TRIM44: variants seen among roughly 807,000 people sequenced by gnomAD.
TRIM44 encodes tripartite motif-containing protein 44.
A neutral mutation model predicts 37.4 loss-of-function variants in TRIM44; 13 were observed. The ratio of observed to expected loss-of-function variants is 0.35; its 90% CI spans 0.23 to 0.55. TRIM44 has a LOEUF of 0.55. Ranked by LOEUF, TRIM44 falls within the 20% of genes least tolerant of loss-of-function variation. The pLI is 0.89. For synonymous variants in TRIM44, 175 were observed against 157.2 expected (o/e 1.11, Z -0.85); for missense variants, 426 against 437.2 (o/e 0.97, Z 0.23).
chr11:35,795,182 G>A (rs1048454560), intron 4 of TRIM44, among the ~76,000 whole-genome samples: 3 of 152,100 alleles, frequency 2.0e-5, no homozygotes, highest in African/African-American at 7.2e-5. Context: ...GAATCAGGCT[G>A]GAAAGGGAGA....
rs888779320 is a variant in TRIM44, at chr11:35,745,882, C to G, written c.1007+10437C>G. Among the ~76,000 whole-genome samples the G allele has an allele frequency of 3.3e-5, 5 of 152,156 alleles. No individual in the cohort carries two copies. In the East Asian group the frequency reaches 9.6e-4, roughly 29 times the overall value. ...ACATGGGGAGAAAGTACAAACTCCA[C>G]ACACAGTGGCCCGGACTGGGAATCC... is the stretch of plus-strand genomic sequence containing the variant. On this transcript the variant is annotated intron_variant, in intron 4 of 4. Transcript: ENST00000299413.
intron 1 of TRIM44, among the ~76,000 whole-genome samples, chr11:35,666,411 T>C (rs1314731450): frequency 6.6e-6 from 1 of 152,230 alleles, no homozygotes; most frequent in Non-Finnish European, 1.5e-5. Flanking sequence ...TTAAAAAGCC[T>C]GCAGGAGTGT....
chr11:35,753,728 ATT>A (rs796549495), intron 4 of TRIM44, among the ~76,000 whole-genome samples: 2 of 147,570 alleles, frequency 1.4e-5, no homozygotes, highest in African/African-American at 5.0e-5. Context: ...TGCCAAATTG[ATT>A]TTTTTTTTTT....
intron 2 of TRIM44, among the ~76,000 whole-genome samples, chr11:35,715,257 C>A (rs1205656524): frequency 6.6e-6 from 1 of 152,142 alleles, no homozygotes; most frequent in Admixed American, 6.5e-5. Flanking sequence ...ATCCATCTCT[C>A]ACGTTAAGGG....
intron 4 of TRIM44, among the ~76,000 whole-genome samples, chr11:35,793,028 G>A (rs1350440361): frequency 6.6e-6 from 1 of 152,072 alleles, no homozygotes; most frequent in African/African-American, 2.4e-5. Context: ...TAAGTTCAGG[G>A]GAACAGGTTT....
intron 1 of TRIM44, among the ~76,000 whole-genome samples, chr11:35,677,164 C>G (rs1048687639): frequency 6.6e-6 from 1 of 152,148 alleles, no homozygotes; most frequent in African/African-American, 2.4e-5. Flanking sequence ...ACTTAGCTAG[C>G]AAGCGTAAGG....
At chr11:35,749,617 G>A (rs997678319) in intron 4 of TRIM44, among the ~76,000 whole-genome samples, 9 of 152,182 alleles carry the variant, frequency 5.9e-5, no homozygotes, top group African/African-American at 2.2e-4. Flanking sequence ...CCGCGAGGCG[G>A]GATTGCAGTG....
At chr11:35,797,252 T>A (rs1368401282) in intron 4 of TRIM44, among the ~76,000 whole-genome samples, 2 of 152,172 alleles carry the variant, frequency 1.3e-5, no homozygotes, top group Non-Finnish European at 2.9e-5. Context: ...AATAGTAATA[T>A]TGGATTATAA....
In TRIM44 at chr11:35,702,182, A is replaced by G. The variant is rs117140227; in HGVS notation, c.747+16846A>G. On this transcript the variant is annotated intron_variant, in intron 2 of 4. Transcript: ENST00000299413. ...CTCAATATTGAACTGGCAGGACTCA[A>G]ACTTGCCCTTGGTTGGACCCTGTCA... 8.1e-3 allele frequency among the ~76,000 whole-genome samples: 1,230 copies of G among 152,324 alleles called. 5 individuals are homozygous for G. Among genetic ancestry groups the G allele is most frequent in the Non-Finnish European group, 0.011 (765 of 68,028 alleles).
intron 4 of TRIM44, among the ~76,000 whole-genome samples, chr11:35,739,397 G>A (rs970293360): frequency 2.0e-5 from 3 of 152,080 alleles, no homozygotes; most frequent in Non-Finnish European, 2.9e-5. Flanking sequence ...GCCACCATGT[G>A]GACTATCTTC....
chr11:35,728,642 G>A (rs912718644), intron 3 of TRIM44, among the ~76,000 whole-genome samples: 2 of 152,122 alleles, frequency 1.3e-5, no homozygotes, highest in African/African-American at 4.8e-5. Context: ...CTGTCTTTCA[G>A]TCATCAGAGG....
At chr11:35,690,961 C>G (rs758839633) in intron 2 of TRIM44, among the ~76,000 whole-genome samples, 26 of 152,224 alleles carry the variant, frequency 1.7e-4, no homozygotes, top group African/African-American at 5.8e-4. Flanking sequence ...GTATATATAG[C>G]CTGGCATCCC....
intron 1 of TRIM44, among the ~76,000 whole-genome samples, chr11:35,680,920 G>A (rs1039403971): frequency 6.6e-6 from 1 of 151,802 alleles, no homozygotes; most frequent in Non-Finnish European, 1.5e-5. Flanking sequence ...ACAGGGTCTC[G>A]TTTGTTCATT....
At position 35,810,649 on chromosome 11, in the gene TRIM44, C is replaced by T. The variant is rs909057649; in HGVS notation, c.*4264C>T. The T allele has an allele frequency of 6.6e-6, 1 of 152,168 alleles. No homozygotes were observed. The highest frequency in any genetic ancestry group is 2.4e-5 in the African/African-American group (1 of 41,428). 9.4% of individuals were successfully genotyped at this position (152,168 alleles called of 1,614,324 possible). A position where few individuals can be genotyped will look rare whatever the true frequency, so the allele number is the denominator to read the frequency against. On this transcript the variant is annotated 3_prime_UTR_variant, in exon 5 of 5. Coordinates refer to ENST00000299413, the MANE Select transcript of TRIM44 (RefSeq NM_017583.6). ...GCAGAAAAATGAAAATAAGTGGAGA[C>T]ACTTATGGATACATTGGTGCAAAAA...
In TRIM44 at chr11:35,806,596, C is replaced by A. The variant is rs1292685059; in HGVS notation, c.*211C>A. On this transcript the variant is annotated 3_prime_UTR_variant, in exon 5 of 5. Transcript: ENST00000299413. ...TTCTCATCCCCTGGTTGTGGTAGGT[C>A]AAGGAAAAGAGCCCCTTTGATCCAC... 3.6e-6 allele frequency: 2 copies of A among 562,990 alleles called. No homozygotes were observed. The highest frequency in any genetic ancestry group is 3.8e-5 in the African/African-American group (2 of 52,750). 34.9% of individuals were successfully genotyped at this position (562,990 alleles called of 1,614,324 possible). A position where few individuals can be genotyped will look rare whatever the true frequency, so the allele number is the denominator to read the frequency against.
intron 4 of TRIM44, among the ~76,000 whole-genome samples, chr11:35,794,466 A>G (rs1412842042): frequency 1.3e-5 from 2 of 152,202 alleles, no homozygotes; most frequent in African/African-American, 4.8e-5. Context: ...GCTGGATATG[A>G]GCTTGCTTCT....
intron 4 of TRIM44, among the ~76,000 whole-genome samples, chr11:35,798,094 C>T (rs1442355192): frequency 1.3e-5 from 2 of 152,076 alleles, no homozygotes; most frequent in South Asian, 2.1e-4. Flanking sequence ...TACATTGGTT[C>T]GGTCCAGAAA....
intron 4 of TRIM44, among the ~76,000 whole-genome samples, chr11:35,774,400 T>A (rs1337984112): frequency 2.6e-5 from 4 of 152,234 alleles, no homozygotes; most frequent in African/African-American, 7.2e-5. Flanking sequence ...TGTAAAAATT[T>A]TCTCCCATTC....
intron 1 of TRIM44, among the ~76,000 whole-genome samples, chr11:35,683,519 A>AG (rs1249610105): frequency 6.6e-6 from 1 of 152,188 alleles, no homozygotes; most frequent in African/African-American, 2.4e-5. Flanking sequence ...TAAATTTGGA[A>AG]GATATGTTAT....
Sources: allele counts gnomAD v4.1 joint callset (sites outside exome capture counted in the v4.1 genomes callset), GRCh38; gene constraint gnomAD v4.1.1; transcripts MANE v1.5; gene names NCBI Gene and HGNC (gene_info 2026-07-23, HGNC 2026-07-21).